TNRC6C: variants seen among roughly 807,000 people sequenced by gnomAD.
The protein encoded by TNRC6C is trinucleotide repeat-containing gene 6C protein.
TNRC6C carries 20 observed loss-of-function variants against 153.7 expected under a neutral mutation model. That is an observed-to-expected ratio of 0.13 (90% CI 0.09 to 0.19). TNRC6C has a LOEUF of 0.19. Among genes scored for constraint, TNRC6C ranks in the 10% least tolerant of loss-of-function variants. The pLI, the probability that TNRC6C is intolerant of heterozygous loss-of-function variation, is 1.00. For synonymous variants in TNRC6C, 811 were observed against 841.4 expected (o/e 0.96, Z 0.63); for missense variants, 1,987 against 2,172.0 (o/e 0.91, Z 1.69).
chr17:78,086,067 C>T (rs1175340074), intron 11 of TNRC6C, among the ~76,000 whole-genome samples: 2 of 151,988 alleles, frequency 1.3e-5, no homozygotes, highest in Admixed American at 1.3e-4. Flanking sequence ...CGCCGTGGCT[C>T]ATGCCTGTAA....
chr17:78,078,235 G>T (rs1267022184), intron 9 of TNRC6C, among the ~76,000 whole-genome samples: 1 of 152,166 alleles, frequency 6.6e-6, no homozygotes, highest in African/African-American at 2.4e-5. Context: ...CCCAGCTAGG[G>T]TGTGCACTGG....
rs567644990 is a variant in TNRC6C at position 78,078,471 on chromosome 17, A to G, written c.3211-924A>G. Among the ~76,000 whole-genome samples, 4 of 152,376 alleles carry G rather than the reference A, an allele frequency of 2.6e-5. No individual in the cohort carries two copies. The South Asian group carries it at 8.3e-4, about 32-fold the overall frequency. On this transcript the variant is annotated intron_variant, in intron 9 of 19. Coordinates refer to ENST00000301624, the Ensembl canonical transcript of TNRC6C. ...TTCAAGGTTTGTTGAAATAATAACT[A>G]TATTTCCTGTTTGAAATGTTGCTAT...
At chr17:78,051,061 T>A in exon 3 of TNRC6C, 1 of 1,609,354 alleles carries the variant, frequency 6.2e-7, no homozygotes, top group Non-Finnish European at 8.5e-7. Flanking sequence ...CCAACAGAAC[T>A]GGGCTAGCAA....
intron 15 of TNRC6C, 28 bp downstream of exon 17, chr17:78,093,152 C>T: frequency 6.2e-7 from 1 of 1,605,824 alleles, no homozygotes; most frequent in Non-Finnish European, 8.5e-7. Flanking sequence ...TTCTGTGCAA[C>T]AGCAGCAGGT....
intron 1 of TNRC6C, among the ~76,000 whole-genome samples, chr17:77,984,954 C>G (rs2071140712): frequency 6.6e-6 from 1 of 152,194 alleles, no homozygotes; most frequent in Non-Finnish European, 1.5e-5. Context: ...CCACCTTTTA[C>G]TAGTTAACAC....
At chr17:78,023,281 A>G (rs1361447488) in intron 1 of TNRC6C, among the ~76,000 whole-genome samples, 1 of 152,226 alleles carries the variant, frequency 6.6e-6, no homozygotes. Flanking sequence ...ATACTGAAGG[A>G]TGACTGTACT....
At chr17:78,006,672 T>A (rs2071520937) in intron 1 of TNRC6C, among the ~76,000 whole-genome samples, 2 of 151,162 alleles carry the variant, frequency 1.3e-5, no homozygotes, top group South Asian at 4.2e-4. Context: ...GTACCAGCTA[T>A]ATTCTTCATC....
chr17:78,089,021 G>A (rs566845996), intron 13 of TNRC6C, among the ~76,000 whole-genome samples: 10 of 141,876 alleles, frequency 7.0e-5, no homozygotes, highest in African/African-American at 2.6e-4. Flanking sequence ...AGGCTGGAGT[G>A]CGATGGCGCA....
chr17:78,098,111 C>T (rs2073521815), intron 16 of TNRC6C, among the ~76,000 whole-genome samples: 1 of 152,336 alleles, frequency 6.6e-6, no homozygotes, highest in East Asian at 1.9e-4. Flanking sequence ...TTCTCTCTTC[C>T]TTTCCCCCAT....
At chr17:78,056,592 T>C (rs2144089100) in intron 3 of TNRC6C, among the ~76,000 whole-genome samples, 1 of 151,832 alleles carries the variant, frequency 6.6e-6, no homozygotes, top group South Asian at 2.1e-4. Flanking sequence ...GCCTCCCGAG[T>C]AGCTAGGACT....
intron 1 of TNRC6C, among the ~76,000 whole-genome samples, chr17:77,984,836 A>G (rs1253995551): frequency 1.3e-5 from 2 of 152,068 alleles, no homozygotes; most frequent in Non-Finnish European, 2.9e-5. Flanking sequence ...ACGCACACAC[A>G]CACACACACA....
At chr17:78,085,465 C>A (rs565326866) in intron 11 of TNRC6C, among the ~76,000 whole-genome samples, 1 of 152,238 alleles carries the variant, frequency 6.6e-6, no homozygotes, top group South Asian at 2.1e-4. Flanking sequence ...ATAGTATAAT[C>A]TCCACCTTTA....
At chr17:78,050,873 C>T in exon 3 of TNRC6C, 1 of 1,613,902 alleles carries the variant, frequency 6.2e-7, no homozygotes, top group Non-Finnish European at 8.5e-7. Flanking sequence ...GATTCATCGT[C>T]TGTCCTTGGA....
rs2073137021 is a variant in TNRC6C, at chr17:78,079,228, G to A, written c.3211-167G>A. 6.6e-6 allele frequency among the ~76,000 whole-genome samples: 1 copy of A among 152,112 alleles called. No homozygotes were observed. The highest frequency in any genetic ancestry group is 6.6e-5 in the Admixed American group (1 of 15,266). ...CGCGCTACTGCACTCCAGTCTGGGTGACAGAACAAGACTCTGTCTCAAAAA... is the reference window on the plus strand; with the variant it reads ...CGCGCTACTGCACTCCAGTCTGGGTAACAGAACAAGACTCTGTCTCAAAAA... On this transcript the variant is annotated intron_variant, in intron 9 of 19. Transcript: ENST00000301624. This position sits in a 1 kb window ranked among gnomAD's most constrained non-coding sequence, Gnocchi z 4.3.
At chr17:78,097,664 G>C in intron 16 of TNRC6C, 81 bp from the exon 19 acceptor site, 1 of 978,316 alleles carries the variant, frequency 1.0e-6, no homozygotes, top group South Asian at 1.8e-5. Flanking sequence ...GTTGATTCCT[G>C]ATGGTTCTCA....
At chr17:77,997,668 T>A (rs2071349191) in intron 1 of TNRC6C, among the ~76,000 whole-genome samples, 1 of 151,924 alleles carries the variant, frequency 6.6e-6, no homozygotes, top group Admixed American at 6.6e-5. Flanking sequence ...TTTTTTTTTA[T>A]TTTTTTGAGA....
At chr17:78,000,119 A>G (rs2071389025), upstream of TNRC6C, among the ~76,000 whole-genome samples, 1 of 152,158 alleles carries the variant, frequency 6.6e-6, no homozygotes. Flanking sequence ...ATGCTGAGTG[A>G]CTTAAGCATT....
chr17:77,979,819 A>G (rs1598644649), intron 1 of TNRC6C, among the ~76,000 whole-genome samples: 4 of 152,324 alleles, frequency 2.6e-5, no homozygotes, highest in Non-Finnish European at 5.9e-5. Context: ...AAATCAGCCA[A>G]AGGAGGAAAA....
chr17:78,047,635 G>T (rs941647032), intron 2 of TNRC6C, among the ~76,000 whole-genome samples: 17 of 151,892 alleles, frequency 1.1e-4, no homozygotes, highest in African/African-American at 4.1e-4. Flanking sequence ...TTGTCCATAC[G>T]ATTTTTCTTG....
Sources: allele counts gnomAD v4.1 joint callset (sites outside exome capture counted in the v4.1 genomes callset), GRCh38; gene constraint gnomAD v4.1.1; non-coding constraint Gnocchi (gnomAD v3.1); transcripts MANE v1.5; gene names NCBI Gene and HGNC (gene_info 2026-07-23, HGNC 2026-07-21).